Variants in ASRGL1 observed in about 807,000 individuals in gnomAD.
ASRGL1 encodes asparaginase and isoaspartyl peptidase 1.
Under a neutral mutation model 22.4 loss-of-function variants are expected in ASRGL1, and 16 were observed. The ratio of observed to expected loss-of-function variants is 0.71; its 90% CI spans 0.48 to 1.08. The LOEUF is 1.08. Among genes scored for constraint, ASRGL1 ranks in the 50% least tolerant of loss-of-function variants. The pLI, the probability that ASRGL1 is intolerant of heterozygous loss-of-function variation, is 0.00. For missense variants in ASRGL1, 412 were observed against 410.1 expected (o/e 1.00, Z -0.04); for synonymous variants, 165 against 159.3 (o/e 1.04, Z -0.27).
chr11:62,374,091 C>G (rs764242297), intron 4 of ASRGL1, among the ~76,000 whole-genome samples: 1 of 152,198 alleles, frequency 6.6e-6, no homozygotes, highest in Non-Finnish European at 1.5e-5. Context: ...ACTTTGGTCT[C>G]CTTTTCTCCC....
intron 2 of ASRGL1, among the ~76,000 whole-genome samples, chr11:62,352,818 AG>A (rs1946198445): frequency 1.3e-5 from 2 of 152,000 alleles, no homozygotes; most frequent in Non-Finnish European, 2.9e-5. Context: ...TCTCCCCTAT[AG>A]GTAAGGTGTC....
intron 4 of ASRGL1, among the ~76,000 whole-genome samples, chr11:62,380,856 T>C (rs773839091): frequency 6.6e-6 from 1 of 152,180 alleles, no homozygotes; most frequent in African/African-American, 2.4e-5. Context: ...GTACTGGGAA[T>C]TGCCACGCCT....
chr11:62,375,428 TTATATATATATATATATATATATATA>T (rs71053051), intron 4 of ASRGL1, among the ~76,000 whole-genome samples: 8,840 of 69,068 alleles, frequency 0.13, 1,114 homozygotes, highest in East Asian at 0.26. Context: ...TTGTCTTACT[TTATATATATATATATATATATATATA>T]TATATATATA....
Position 62,364,859 on chromosome 11 carries a change from A to G in ASRGL1, c.491+7715A>G, listed in dbSNP as rs539078739. The stretch of plus-strand genomic sequence containing the variant: ...TGAGGCGGGCAGATCACCTGAGGTC[A>G]GGAGTTCAAGACCAGCCTGGCCAAC... On this transcript the variant is annotated intron_variant, in intron 4 of 6. Transcript: ENST00000415229. Among the ~76,000 whole-genome samples the G allele has an allele frequency of 4.6e-5, 7 of 152,250 alleles. No individual in the cohort carries two copies. The East Asian group carries it at 1.4e-3, about 29-fold the overall frequency.
At chr11:62,398,067 G>A (rs1947451698), downstream of ASRGL1, among the ~76,000 whole-genome samples, 1 of 151,994 alleles carries the variant, frequency 6.6e-6, no homozygotes, top group South Asian at 2.1e-4. Flanking sequence ...GGCGCTGGGG[G>A]CCAGGCCGAC....
chr11:62,368,642 G>A (rs1946679752), intron 4 of ASRGL1, among the ~76,000 whole-genome samples: 1 of 152,090 alleles, frequency 6.6e-6, no homozygotes, highest in South Asian at 2.1e-4. Context: ...CTCTGGCACT[G>A]GTCTCTGAGT....
chr11:62,393,714 T>C (rs1423248496), downstream of ASRGL1, among the ~76,000 whole-genome samples: 3 of 152,124 alleles, frequency 2.0e-5, no homozygotes, highest in African/African-American at 7.2e-5. Flanking sequence ...GAAACAAGTA[T>C]TTTATTAGGA....
In ASRGL1 at chr11:62,342,533, G is replaced by T. The variant is rs140509150; in HGVS notation, c.190+4366G>T. The stretch of plus-strand genomic sequence containing the variant: ...GCACTTTTGGAGGCCGAGGCGGGTG[G>T]ATCATTTGAGACTAGGAGTTCAAGA... On this transcript the variant is annotated intron_variant, in intron 2 of 6. Transcript: ENST00000415229. Among the ~76,000 whole-genome samples, 678 of 152,256 alleles carry T rather than the reference G, an allele frequency of 4.5e-3. 11 individuals are homozygous for T. Among genetic ancestry groups the T allele is most frequent in the African/African-American group, 0.016 (652 of 41,550 alleles).
intron 4 of ASRGL1, among the ~76,000 whole-genome samples, chr11:62,360,343 T>A (rs897585677): frequency 1.3e-5 from 2 of 151,776 alleles, no homozygotes; most frequent in African/African-American, 2.4e-5. Flanking sequence ...TTTTTTTTTT[T>A]AATTTTTTTA....
intron 2 of ASRGL1, among the ~76,000 whole-genome samples, chr11:62,353,764 T>C (rs901832665): frequency 2.6e-5 from 4 of 152,230 alleles, no homozygotes; most frequent in African/African-American, 9.6e-5. Context: ...TGAGTGACTT[T>C]CTGTTGTATT....
chr11:62,394,645 T>C (rs899423441), downstream of ASRGL1, among the ~76,000 whole-genome samples: 3 of 152,104 alleles, frequency 2.0e-5, no homozygotes, highest in Non-Finnish European at 1.5e-5. Flanking sequence ...GAAGATCTGG[T>C]TTTGAGCTTG....
intron 4 of ASRGL1, among the ~76,000 whole-genome samples, chr11:62,376,560 A>C (rs1040649385): frequency 1.3e-5 from 2 of 152,122 alleles, no homozygotes; most frequent in Non-Finnish European, 1.5e-5. Context: ...CTGCAGAAGT[A>C]GTAGTCTGAT....
chr11:62,372,931 T>G (rs1433993092), intron 4 of ASRGL1: 15 of 1,548,540 alleles, frequency 9.7e-6, no homozygotes, highest in African/African-American at 2.7e-5. Context: ...AAGAGCAGCA[T>G]CATTGTGGCA....
At chr11:62,350,861 T>A (rs1344886799) in intron 2 of ASRGL1, among the ~76,000 whole-genome samples, 1 of 152,218 alleles carries the variant, frequency 6.6e-6, no homozygotes, top group Non-Finnish European at 1.5e-5. Flanking sequence ...TTTAGAAGAT[T>A]TACATGTTAT....
At chr11:62,392,047 TG>T in intron 6 of ASRGL1, 31 bp from the exon 7 acceptor site, 1 of 1,603,340 alleles carries the variant, frequency 6.2e-7, no homozygotes, top group South Asian at 1.1e-5. Context: ...TTCAGTAATG[TG>T]TGTTGTTTCT....
chr11:62,385,118 G>A (rs1357357371), intron 4 of ASRGL1, among the ~76,000 whole-genome samples: 10 of 151,496 alleles, frequency 6.6e-5, no homozygotes, highest in Admixed American at 1.3e-4. Flanking sequence ...CCTGCCACCA[G>A]CAGGGACTGG....
At chr11:62,350,903 C>T (rs1946153208) in intron 2 of ASRGL1, among the ~76,000 whole-genome samples, 1 of 152,162 alleles carries the variant, frequency 6.6e-6, no homozygotes, top group Non-Finnish European at 1.5e-5. Flanking sequence ...TTTAAACCTG[C>T]TATTGTATGT....
At chr11:62,381,803 C>T (rs1334329963) in intron 4 of ASRGL1, 1 of 152,226 alleles carries the variant, frequency 6.6e-6, no homozygotes, top group Non-Finnish European at 1.5e-5. Flanking sequence ...CTAGGTTCTT[C>T]CGAGGGCACA....
chr11:62,338,839 G>A (rs1348497534), intron 2 of ASRGL1, among the ~76,000 whole-genome samples: 4 of 149,990 alleles, frequency 2.7e-5, no homozygotes, highest in Non-Finnish European at 5.9e-5. Flanking sequence ...CAGCTACTCG[G>A]GAGGCCGAGG....
Sources: gnomAD v4.1 joint callset for allele counts (sites outside exome capture counted in the v4.1 genomes callset) on GRCh38, gnomAD v4.1.1 for gene constraint, MANE v1.5 for transcripts, NCBI Gene and HGNC (gene_info 2026-07-23, HGNC 2026-07-21) for gene names.